The following SYT1 variants were observed in gnomAD, a reference collection of about 807,000 sequenced individuals.
The protein encoded by SYT1 is synaptotagmin 1.
A neutral mutation model predicts 44.8 loss-of-function variants in SYT1; 8 were observed. The observed-to-expected ratio is 0.18, with a 90% CI of 0.10 to 0.32. The LOEUF (loss-of-function observed/expected upper bound fraction) is 0.32, where lower values mean the gene tolerates loss of function less well. Ranked by LOEUF, SYT1 falls within the 10% of genes least tolerant of loss-of-function variation. The pLI, the probability that SYT1 is intolerant of heterozygous loss-of-function variation, is 1.00. For missense variants in SYT1, 286 were observed against 509.3 expected (o/e 0.56, Z 4.22); for synonymous variants, 154 against 188.8 (o/e 0.82, Z 1.51).
rs1871081065 is a variant in SYT1 at position 79,451,926 on chromosome 12, T to C, written c.*2802T>C. 6.6e-6 allele frequency: 1 copy of C among 152,252 alleles called. No homozygotes were observed. The highest frequency in any genetic ancestry group is 2.4e-5 in the African/African-American group (1 of 41,468). 9.4% of individuals were successfully genotyped at this position (152,252 alleles called of 1,614,324 possible). Reference sequence around the variant, plus strand: ...TTTTGTTTCACTTTGTGTAGTGAATTCCACAGTAGTTTTCTGATTGTTGTT... The same window carrying C: ...TTTTGTTTCACTTTGTGTAGTGAATCCCACAGTAGTTTTCTGATTGTTGTT... On this transcript the variant is annotated 3_prime_UTR_variant, in exon 11 of 11. Transcript: ENST00000261205.
intron 3 of SYT1, among the ~76,000 whole-genome samples, chr12:79,179,386 C>CTATATATATATCCATATA (rs1565842032): frequency 5.1e-5 from 3 of 59,394 alleles, no homozygotes; most frequent in Admixed American, 1.9e-4. Context: ...ATAGATATAT[C>CTATATATATATCCATATA]GATATAGATA....
At chr12:79,089,697 T>C (rs934489629) in intron 3 of SYT1, among the ~76,000 whole-genome samples, 3 of 151,992 alleles carry the variant, frequency 2.0e-5, no homozygotes, top group Admixed American at 1.3e-4. Context: ...ATCCCAAAAA[T>C]AATTTTCAGT....
At chr12:79,094,043 G>T (rs1877955507) in intron 3 of SYT1, among the ~76,000 whole-genome samples, 1 of 151,626 alleles carries the variant, frequency 6.6e-6, no homozygotes, top group Admixed American at 6.6e-5. Flanking sequence ...GTAACAAGAA[G>T]TTAAAAGTAA....
intron 1 of SYT1, among the ~76,000 whole-genome samples, chr12:78,903,832 G>A (rs1875803201): frequency 6.6e-6 from 1 of 151,880 alleles, no homozygotes; most frequent in Admixed American, 6.6e-5. Flanking sequence ...ATTTATAAAT[G>A]TGCCAAGAAT....
chr12:79,233,727 G>A (rs1876007469), intron 4 of SYT1, among the ~76,000 whole-genome samples: 1 of 152,198 alleles, frequency 6.6e-6, no homozygotes, highest in South Asian at 2.1e-4. Context: ...TAGTGAATCT[G>A]TTTTGCTATT....
chr12:79,279,334 G>A (rs541632739), intron 4 of SYT1, among the ~76,000 whole-genome samples: 1 of 152,054 alleles, frequency 6.6e-6, no homozygotes, highest in East Asian at 1.9e-4. Flanking sequence ...GATGCTAGGA[G>A]GGATAAATAT....
At chr12:79,271,486 A>T (rs1357236602) in intron 4 of SYT1, among the ~76,000 whole-genome samples, 4 of 152,180 alleles carry the variant, frequency 2.6e-5, no homozygotes, top group Non-Finnish European at 5.9e-5. Context: ...TTTAGCAAAT[A>T]TGAGAAATTG....
intron 2 of SYT1, among the ~76,000 whole-genome samples, chr12:79,015,443 T>C (rs909493518): frequency 7.2e-5 from 11 of 152,150 alleles, no homozygotes; most frequent in African/African-American, 2.7e-4. Context: ...ATTTATACCA[T>C]ATATTATCTC....
chr12:79,112,024 A>G (rs1273096942), intron 3 of SYT1, among the ~76,000 whole-genome samples: 2 of 146,932 alleles, frequency 1.4e-5, no homozygotes, highest in Non-Finnish European at 3.0e-5. Context: ...AGAAAGGATC[A>G]GGAAAAAAAA....
rs144297503 is a variant in SYT1, at chr12:79,284,603, C to G, written c.167-1184C>G. 3.9e-3 allele frequency among the ~76,000 whole-genome samples: 597 copies of G among 151,990 alleles called. 30 individuals are homozygous for G. The East Asian group carries it at 0.1, about 27-fold the overall frequency. ...CTGTAATCCCAGCACTTTGCAAGGC[C>G]GAGGCAGGTGGATCATAAGGTCAGG... On this transcript the variant is annotated intron_variant, in intron 4 of 10. Transcript: ENST00000261205.
chr12:78,957,324 T>C (rs1879264484), intron 1 of SYT1, among the ~76,000 whole-genome samples: 2 of 152,120 alleles, frequency 1.3e-5, no homozygotes, highest in African/African-American at 4.8e-5. Context: ...AGAAGAAGAA[T>C]ACCTAAGAAG....
chr12:79,194,581 ATTT>A (rs1175393119), intron 3 of SYT1, among the ~76,000 whole-genome samples: 1 of 151,928 alleles, frequency 6.6e-6, no homozygotes, highest in African/African-American at 2.4e-5. Flanking sequence ...ACATGAAAGG[ATTT>A]TTATTTTTAA....
intron 9 of SYT1, among the ~76,000 whole-genome samples, chr12:79,420,984 C>T (rs1252906676): frequency 6.6e-6 from 1 of 152,082 alleles, no homozygotes; most frequent in African/African-American, 2.4e-5. Flanking sequence ...AGTGGGAATG[C>T]AACCTTCACA....
At chr12:79,260,804 T>C (rs1310563127) in intron 4 of SYT1, among the ~76,000 whole-genome samples, 2 of 91,338 alleles carry the variant, frequency 2.2e-5, no homozygotes, top group African/African-American at 6.6e-5. Flanking sequence ...AGAAATCTCA[T>C]ATTTTTTTTT....
intron 9 of SYT1, among the ~76,000 whole-genome samples, chr12:79,371,457 A>G (rs1335820572): frequency 6.6e-6 from 1 of 152,242 alleles, no homozygotes; most frequent in Non-Finnish European, 1.5e-5. Flanking sequence ...TGCAAATGCC[A>G]ACACATGCAA....
chr12:79,090,424 T>C (rs11112740), intron 3 of SYT1, among the ~76,000 whole-genome samples: 146 of 152,124 alleles, frequency 9.6e-4, no homozygotes, highest in African/African-American at 3.2e-3. Context: ...TCAATTATTA[T>C]GGTATCTCAA....
intron 3 of SYT1, among the ~76,000 whole-genome samples, chr12:79,210,997 T>C (rs1874412368): frequency 6.6e-6 from 1 of 151,938 alleles, no homozygotes; most frequent in Non-Finnish European, 1.5e-5. Flanking sequence ...GATCCAGTTT[T>C]CTCCAGAATA....
intron 4 of SYT1, among the ~76,000 whole-genome samples, chr12:79,276,953 A>AAGG (rs921385803): frequency 6.9e-6 from 1 of 144,024 alleles, no homozygotes; most frequent in Non-Finnish European, 1.5e-5. Context: ...AAGAAGGAAG[A>AAGG]AGGAGGAGGA....
intron 1 of SYT1, among the ~76,000 whole-genome samples, chr12:78,905,023 A>T (rs1875884863): frequency 6.6e-6 from 1 of 152,154 alleles, no homozygotes; most frequent in African/African-American, 2.4e-5. Flanking sequence ...ATCTCCTAAG[A>T]TATCTCATAA....
Sources: allele counts gnomAD v4.1 joint callset (sites outside exome capture counted in the v4.1 genomes callset), GRCh38; gene constraint gnomAD v4.1.1; transcripts MANE v1.5; gene names NCBI Gene and HGNC (gene_info 2026-07-23, HGNC 2026-07-21).